Variants in CDC42 observed in about 807,000 individuals in gnomAD.
CDC42 encodes cell division cycle 42, also known as cell division control protein 42 homolog.
In CDC42, 1 loss-of-function variant was observed where a neutral mutation model predicts 20.8. That is an observed-to-expected ratio of 0.05 (90% CI 0.02 to 0.23). The LOEUF (loss-of-function observed/expected upper bound fraction) is 0.23, where lower values mean the gene tolerates loss of function less well. Ranked by LOEUF, CDC42 falls within the 10% of genes least tolerant of loss-of-function variation. The probability of loss-of-function intolerance (pLI) is 1.00; values close to 1 mark genes in which losing one functional copy is unlikely to be tolerated. For missense variants in CDC42, 49 were observed against 227.9 expected (o/e 0.21, Z 5.05); for synonymous variants, 72 against 84.8 (o/e 0.85, Z 0.83).
At position 22,091,696 on chromosome 1, in the gene CDC42, T is replaced by A; in HGVS notation, c.*179T>A. ...ATAGGTATGGCCCCCCCCTTCCCCC[T>A]CCCAGTACTAGTTAATTTTGAGTAA... On this transcript the variant is annotated 3_prime_UTR_variant, in exon 6 of 6. Transcript: ENST00000656825. 3.5e-6 allele frequency: 1 copy of A among 284,518 alleles called. No individual in the cohort carries two copies. Among genetic ancestry groups the A allele is most frequent in the East Asian group, 6.3e-5 (1 of 15,912 alleles). 17.6% of individuals were successfully genotyped at this position (284,518 alleles called of 1,614,324 possible).
At chr1:22,063,509 C>T (rs187621125) in intron 1 of CDC42, among the ~76,000 whole-genome samples, 21 of 152,274 alleles carry the variant, frequency 1.4e-4, no homozygotes, top group African/African-American at 4.8e-4. Flanking sequence ...CTTCCAAGAA[C>T]CTACTCTATT....
chr1:22,090,075 C>T (rs1224650788), intron 5 of CDC42: 1 of 1,606,070 alleles, frequency 6.2e-7, no homozygotes, highest in Non-Finnish European at 8.5e-7. Flanking sequence ...TCCTGTCCCA[C>T]TACTGTAGAA....
At chr1:22,066,995 G>A (rs1645431248) in intron 1 of CDC42, among the ~76,000 whole-genome samples, 2 of 152,286 alleles carry the variant, frequency 1.3e-5, no homozygotes, top group East Asian at 1.9e-4. Flanking sequence ...CCTGGGAGGC[G>A]GAGGTTGTGG....
At chr1:22,082,649 G>A (rs1164101019) in intron 3 of CDC42, among the ~76,000 whole-genome samples, 2 of 152,154 alleles carry the variant, frequency 1.3e-5, no homozygotes, top group South Asian at 2.1e-4. Context: ...TTAACATGTT[G>A]CTTCCATGGA....
At chr1:22,083,863 T>C (rs1645632933) in intron 3 of CDC42, among the ~76,000 whole-genome samples, 1 of 152,230 alleles carries the variant, frequency 6.6e-6, no homozygotes, top group Admixed American at 6.5e-5. Context: ...TTCTACTGTT[T>C]TGCTTTTCTA....
At chr1:22,068,303 A>G (rs976622597) in intron 1 of CDC42, 2 of 153,308 alleles carry the variant, frequency 1.3e-5, no homozygotes, top group Non-Finnish European at 2.9e-5. Flanking sequence ...AACTTTCACA[A>G]GGCATCTCTG....
chr1:22,071,153 C>T (rs554500134), intron 1 of CDC42, among the ~76,000 whole-genome samples: 2 of 149,804 alleles, frequency 1.3e-5, no homozygotes, highest in East Asian at 4.0e-4. Flanking sequence ...ACGCCATTCT[C>T]CTGCCTCAGC....
chr1:22,064,963 C>T (rs766706426), intron 1 of CDC42, among the ~76,000 whole-genome samples: 1 of 152,178 alleles, frequency 6.6e-6, no homozygotes, highest in Non-Finnish European at 1.5e-5. Flanking sequence ...TCTGGGATTA[C>T]AGGCGTGAGC....
At chr1:22,089,936 C>T (rs780059477) in intron 5 of CDC42, 2 of 1,613,518 alleles carry the variant, frequency 1.2e-6, no homozygotes, top group Non-Finnish European at 1.7e-6. Context: ...TCCCCTCTGT[C>T]TTGTAGAGAG....
intron 1 of CDC42, chr1:22,059,303 C>G (rs1158480770): frequency 6.6e-6 from 1 of 151,862 alleles, no homozygotes; most frequent in African/African-American, 2.4e-5. Flanking sequence ...CTTAATTATA[C>G]ATTTGAACTT....
intron 1 of CDC42, among the ~76,000 whole-genome samples, chr1:22,055,988 C>G (rs1234186767): frequency 6.7e-6 from 1 of 149,238 alleles, no homozygotes; most frequent in Non-Finnish European, 1.5e-5. Flanking sequence ...AAATATCTCT[C>G]TGTATTAAAA....
chr1:22,086,556 G>T lies in CDC42; in HGVS notation c.288+8G>T. On this transcript the variant is annotated splice_region_variant and intron_variant, in intron 4 of 5. Coordinates refer to ENST00000656825, the MANE Select transcript of CDC42 (RefSeq NM_001791.4). ...GAAAACGTGAAAGAAAAGGTAAGCT[G>T]ATCAGATACTCTTGCCCTAAGAAGA... 6.3e-7 allele frequency: 1 copy of T among 1,597,434 alleles called. No individual in the cohort carries two copies. Among genetic ancestry groups the T allele is most frequent in the Non-Finnish European group, 8.6e-7 (1 of 1,165,548 alleles).
rs1451239721 is a variant in CDC42 at position 22,100,044 on chromosome 1, T to G, written c.*8527T>G. 4.1e-5 allele frequency among the ~76,000 whole-genome samples: 6 copies of G among 146,492 alleles called. No homozygotes were observed. Among genetic ancestry groups the G allele is most frequent in the African/African-American group, 1.5e-4 (6 of 39,480 alleles). On this transcript the variant is annotated 3_prime_UTR_variant, in exon 6 of 6. Coordinates refer to ENST00000656825, the MANE Select transcript of CDC42 (RefSeq NM_001791.4). ...TCTTCTTCTTCTTTTTTTTTTTTTT[T>G]GTATAATAGGCCTGTGAGTTGGGAA...
In CDC42 at chr1:22,095,860, AG is replaced by A. The variant is rs145695809; in HGVS notation, c.*4344del. 0.011 allele frequency among the ~76,000 whole-genome samples: 1,679 copies of A among 152,324 alleles called. 29 individuals are homozygous for A. Among genetic ancestry groups the A allele is most frequent in the African/African-American group, 0.038 (1,582 of 41,564 alleles). ...GGTGGGCCAAAGAGGGGCAAGGGAA[AG>A]CGCATTTACACTTTCTCGTATTCCA... is the stretch of plus-strand genomic sequence containing the variant. On this transcript the variant is annotated 3_prime_UTR_variant, in exon 6 of 6. Coordinates refer to ENST00000656825, the MANE Select transcript of CDC42 (RefSeq NM_001791.4).
At chr1:22,054,712 A>G (rs1645276137) in intron 1 of CDC42, among the ~76,000 whole-genome samples, 2 of 151,788 alleles carry the variant, frequency 1.3e-5, no homozygotes, top group African/African-American at 4.8e-5. Flanking sequence ...ATTACAGACC[A>G]TTGGATAGGT....
chr1:22,090,637 T>C, intron 5 of CDC42: 1 of 985,422 alleles, frequency 1.0e-6, no homozygotes. Flanking sequence ...ATTTGTTACA[T>C]TATCTTTTAA....
At chr1:22,059,331 A>G (rs1645337564) in intron 1 of CDC42, 2 of 152,074 alleles carry the variant, frequency 1.3e-5, no homozygotes, top group South Asian at 4.1e-4. Flanking sequence ...ATTTTATTGA[A>G]AACTAATTGT....
intron 1 of CDC42, among the ~76,000 whole-genome samples, chr1:22,069,605 T>C (rs994397577): frequency 2.2e-5 from 3 of 133,522 alleles, no homozygotes; most frequent in Non-Finnish European, 4.7e-5. Flanking sequence ...TACAGGCACA[T>C]GCCACCACTT....
At chr1:22,067,044 C>A (rs1453018641) in intron 1 of CDC42, among the ~76,000 whole-genome samples, 2 of 152,140 alleles carry the variant, frequency 1.3e-5, no homozygotes, top group Non-Finnish European at 2.9e-5. Context: ...GAAGGCAGGA[C>A]AGAGCCTGGC....
Sources: gnomAD v4.1 joint callset for allele counts (sites outside exome capture counted in the v4.1 genomes callset) on GRCh38, gnomAD v4.1.1 for gene constraint, MANE v1.5 for transcripts, NCBI Gene and HGNC (gene_info 2026-07-23, HGNC 2026-07-21) for gene names.